TBX22: variants seen among roughly 807,000 people sequenced by gnomAD.
TBX22 encodes the protein T-box transcription factor 22, also known as T-box transcription factor TBX22.
Under a neutral mutation model 30.1 loss-of-function variants are expected in TBX22, and 8 were observed. The ratio of observed to expected loss-of-function variants is 0.27; its 90% CI spans 0.16 to 0.48. The LOEUF (loss-of-function observed/expected upper bound fraction) is 0.48, where lower values mean the gene tolerates loss of function less well. Among genes scored for constraint, TBX22 ranks in the 20% least tolerant of loss-of-function variants. TBX22 has a pLI of 0.99. For synonymous variants in TBX22, 173 were observed against 149.1 expected (o/e 1.16, Z -1.17); for missense variants, 463 against 400.5 (o/e 1.16, Z -1.33).
Position 80,031,087 on chromosome X carries a change from T to C in TBX22, c.1539T>C (p.Tyr513=). ...GCAAATGTAATCATGTTCATTGGTA[T>C]CCAGCAATTAACCATTACCTTTAGT... ...GEGKCNHVHW[Y]PAINHYL The change falls in exon 9 of 9, where the codon TAT becomes TAC. Residue 513 remains tyrosine, a synonymous_variant. Transcript: ENST00000373296. 3 of 1,209,510 alleles carry C rather than the reference T, an allele frequency of 2.5e-6. No homozygotes were observed. The highest frequency in any genetic ancestry group is 2.2e-6 in the Non-Finnish European group (2 of 893,722).
Position 80,020,288 on chromosome X carries a change from A to AC in TBX22, c.-2-1980_-2-1979insC, listed in dbSNP as rs1923622655. 7.7e-5 allele frequency among the ~76,000 whole-genome samples: 4 copies of AC among 51,858 alleles called. No individual in the cohort carries two copies. In the South Asian group the frequency reaches 5.0e-3, roughly 65 times the overall value. The allele number at this position is 51,858 out of a possible 115,157, so 45.0% of individuals were successfully genotyped here. On this transcript the variant is annotated intron_variant, in intron 1 of 8. Transcript: ENST00000373296. Reference sequence around the variant, plus strand: ...ATAAAATATAGATAGATAGAGATAGATTAGATAGATAGATAGATAGATAGA... The same window carrying AC: ...ATAAAATATAGATAGATAGAGATAGACTTAGATAGATAGATAGATAGATAGA...
intron 1 of TBX22, among the ~76,000 whole-genome samples, chrX:80,016,892 G>T (rs768622688): frequency 9.2e-6 from 1 of 108,131 alleles, no homozygotes; most frequent in Admixed American, 1.0e-4. Context: ...TGTAATCCCA[G>T]CTACTCAGGA....
intron 1 of TBX22, 59 bp from the exon 2 acceptor site, chrX:80,022,209 C>T: frequency 1.8e-6 from 2 of 1,135,536 alleles, no homozygotes; most frequent in Non-Finnish European, 2.4e-6. Flanking sequence ...TCTCCCCCTC[C>T]CTCCCTAACC....
intron 3 of TBX22, among the ~76,000 whole-genome samples, chrX:80,023,795 A>G (rs756682998): frequency 8.9e-6 from 1 of 111,848 alleles, no homozygotes; most frequent in South Asian, 3.8e-4. Flanking sequence ...TTTCTCTTCT[A>G]TAGCTTTTTA....
chrX:80,025,094 G>A (rs1015011544), intron 4 of TBX22, among the ~76,000 whole-genome samples: 1 of 112,287 alleles, frequency 8.9e-6, no homozygotes, highest in South Asian at 3.7e-4. Flanking sequence ...TTGGGAATAA[G>A]AGCAAAACTG....
At chrX:80,026,649 T>G in intron 5 of TBX22, 55 bp from the exon 6 acceptor site, 2 of 1,154,600 alleles carry the variant, frequency 1.7e-6, no homozygotes, top group South Asian at 1.8e-5. Context: ...GAGAGGGAAC[T>G]AGGGTTTGGG....
chrX:80,023,896 C>G lies in TBX22; in HGVS notation c.357-167C>G, dbSNP rs754404945. 2.0e-3 allele frequency among the ~76,000 whole-genome samples: 220 copies of G among 111,940 alleles called. 5 individuals are homozygous for G. Among genetic ancestry groups the G allele is most frequent in the Non-Finnish European group, 4.5e-4 (24 of 53,225 alleles). ...CGTACTTGTTCGGTCAAGTATGCAACCAACAATCTTTCCTCATGTAGCAAA... is the reference window on the plus strand; with the variant it reads ...CGTACTTGTTCGGTCAAGTATGCAAGCAACAATCTTTCCTCATGTAGCAAA... On this transcript the variant is annotated intron_variant, in intron 3 of 8. Coordinates refer to ENST00000373296, the MANE Select transcript of TBX22 (RefSeq NM_001109878.2).
intron 5 of TBX22, 85 bp from the exon 6 acceptor site, chrX:80,026,619 C>A: frequency 1.0e-6 from 1 of 983,933 alleles, no homozygotes; most frequent in Non-Finnish European, 1.4e-6. Context: ...TTTTTGTGTG[C>A]ACATGGTGGA....
chrX:80,022,165 C>G (rs1433989453), intron 1 of TBX22, 103 bp from the exon 2 acceptor site: 24 of 800,834 alleles, frequency 3.0e-5, no homozygotes, highest in Non-Finnish European at 4.2e-5. Context: ...CCCGCTTTCC[C>G]TCCTTCCTTC....
intron 1 of TBX22, among the ~76,000 whole-genome samples, chrX:80,017,004 T>TTAAA: frequency 6.8e-5 from 1 of 14,653 alleles, no homozygotes; most frequent in Non-Finnish European, 1.2e-4. Flanking sequence ...AGATTCTGTC[T>TTAAA]CAAAAAAAAA....
intron 4 of TBX22, 64 bp downstream of exon 4, chrX:80,024,228 C>T: frequency 1.0e-6 from 1 of 1,003,252 alleles, no homozygotes; most frequent in African/African-American, 1.9e-5. Context: ...GACCTTCAGA[C>T]CTGAAACCTG....
At position 80,030,665 on chromosome X, in the gene TBX22, T is replaced by C; in HGVS notation, c.1117T>C (p.Tyr373His). 1.7e-6 allele frequency: 2 copies of C among 1,211,893 alleles called. No individual in the cohort carries two copies. The highest frequency in any genetic ancestry group is 2.2e-6 in the Non-Finnish European group (2 of 895,506). The change falls in exon 9 of 9, where the codon TAC becomes CAC. Residue 373 changes from tyrosine to histidine, a missense_variant. Physicochemically the swap from Tyr to His is moderately conservative, Grantham distance 83 (BLOSUM62 2). Transcript: ENST00000373296. ...YLPNVNLPLC[Y>H]KICPTNFWQQ... Reference sequence around the variant, plus strand: ...GCCCAATGTCAACCTGCCTCTATGCTACAAGATTTGTCCAACTAATTTTTG... The same window carrying C: ...GCCCAATGTCAACCTGCCTCTATGCCACAAGATTTGTCCAACTAATTTTTG...
At chrX:80,015,270 A>G (rs1312044002) in intron 1 of TBX22, among the ~76,000 whole-genome samples, 1 of 111,910 alleles carries the variant, frequency 8.9e-6, no homozygotes, top group Non-Finnish European at 1.9e-5. Context: ...TTGTTTAGGG[A>G]GCTAGGGAGC....
intron 5 of TBX22, among the ~76,000 whole-genome samples, 169 bp downstream of exon 5, chrX:80,025,946 C>T (rs1443621006): frequency 3.6e-5 from 4 of 111,262 alleles, no homozygotes; most frequent in South Asian, 3.8e-4. Context: ...GCTCCTGAAA[C>T]GTTTGTTTAG....
chrX:80,015,953 G>A (rs1486638699), intron 1 of TBX22, among the ~76,000 whole-genome samples: 2 of 111,573 alleles, frequency 1.8e-5, no homozygotes, highest in Admixed American at 1.9e-4. Context: ...TTAATGTGGG[G>A]ACCCTGGGAA....
chrX:80,026,052 G>A (rs933461846), intron 5 of TBX22, among the ~76,000 whole-genome samples: 3 of 111,384 alleles, frequency 2.7e-5, no homozygotes, highest in African/African-American at 9.8e-5. Context: ...GGGAGAGTAG[G>A]AGGGAACCAT....
chrX:80,031,364 AT>A lies in TBX22; in HGVS notation c.*256del, dbSNP rs1182684409. 5 of 352,667 alleles carry A rather than the reference AT, an allele frequency of 1.4e-5. No individual in the cohort carries two copies. In the Admixed American group the frequency reaches 2.0e-4, roughly 14 times the overall value. 29.1% of individuals were successfully genotyped at this position (352,667 alleles called of 1,213,427 possible). A position where few individuals can be genotyped will look rare whatever the true frequency, so the allele number is the denominator to read the frequency against. On this transcript the variant is annotated 3_prime_UTR_variant, in exon 9 of 9. Coordinates refer to ENST00000373296, the MANE Select transcript of TBX22 (RefSeq NM_001109878.2). ...CAAAATGAGATATGCAATAAATATT[AT>A]TTGATGATACTCCACCAGTGAAAAT...
At position 80,030,739 on chromosome X, in the gene TBX22, C is replaced by A. The variant is rs940977409; in HGVS notation, c.1191C>A (p.Ser397Arg). The part of the protein sequence containing the change: ...VLPAPERLAS[S>R]NSSQSLAPLM... ...CGGCTCCTGAAAGACTAGCAAGCAG[C>A]AACAGTTCTCAGTCTTTAGCCCCAC... Residue 397 changes from serine to arginine, a missense_variant, in exon 9 of 9, where the codon AGC becomes AGA. Transcript: ENST00000373296. 1 of 1,211,878 alleles carries A rather than the reference C, an allele frequency of 8.3e-7. No individual in the cohort carries two copies. The highest frequency in any genetic ancestry group is 1.1e-6 in the Non-Finnish European group (1 of 895,510).
intron 4 of TBX22, 72 bp from the exon 5 acceptor site, chrX:80,025,531 C>A: frequency 1.1e-6 from 1 of 899,058 alleles, no homozygotes. Flanking sequence ...GGAGTGAAGT[C>A]CTCAGGAACA....
Sources: allele counts gnomAD v4.1 joint callset (sites outside exome capture counted in the v4.1 genomes callset), GRCh38; gene constraint gnomAD v4.1.1; transcripts MANE v1.5; gene names NCBI Gene and HGNC (gene_info 2026-07-23, HGNC 2026-07-21).